Variants in DCC observed in about 807,000 individuals in gnomAD.
DCC encodes netrin receptor DCC.
DCC carries 58 observed loss-of-function variants against 172.5 expected under a neutral mutation model. The observed-to-expected ratio is 0.34, with a 90% confidence interval of 0.27 to 0.42. DCC has a LOEUF of 0.42. Among genes scored for constraint, DCC ranks in the 10% least tolerant of loss-of-function variants. The pLI, the probability that DCC is intolerant of heterozygous loss-of-function variation, is 1.00. For synonymous variants in DCC, 709 were observed against 644.5 expected (o/e 1.10, Z -1.52); for missense variants, 1,740 against 1,791.0 (o/e 0.97, Z 0.51).
At chr18:52,907,308 A>ATATGTG (rs1568179932) in intron 3 of DCC, among the ~76,000 whole-genome samples, 1 of 780 alleles carries the variant, frequency 1.3e-3, no homozygotes, top group South Asian at 0.25. Context: ...GGATATATAC[A>ATATGTG]TATGTATATG....
intron 23 of DCC, among the ~76,000 whole-genome samples, chr18:53,452,028 T>C (rs1332584977): frequency 9.2e-5 from 14 of 152,222 alleles, no homozygotes; most frequent in Admixed American, 8.5e-4. Context: ...TGAGCTTAGC[T>C]GGGCCAGCCT....
chr18:52,813,835 T>C (rs112548864), intron 2 of DCC, among the ~76,000 whole-genome samples: 436 of 152,316 alleles, frequency 2.9e-3, no homozygotes, highest in African/African-American at 9.9e-3. Context: ...TTTTCTGGCC[T>C]TCAGACCAGA....
chr18:52,696,162 T>C (rs2053926072), intron 1 of DCC, among the ~76,000 whole-genome samples: 2 of 152,234 alleles, frequency 1.3e-5, no homozygotes, highest in African/African-American at 4.8e-5. Context: ...GAATATGGTC[T>C]TTAAGATGTG....
chr18:52,918,429 C>G, intron 3 of DCC, among the ~76,000 whole-genome samples: 1 of 152,132 alleles, frequency 6.6e-6, no homozygotes, highest in Middle Eastern at 3.4e-3. Flanking sequence ...CTATTCTTAC[C>G]GAGCTTAGAG....
In DCC at chr18:53,535,723, A is replaced by G. The variant is rs894111465; in HGVS notation, c.*5070A>G. On this transcript the variant is annotated 3_prime_UTR_variant, in exon 29 of 29. Transcript: ENST00000442544. Reference sequence around the variant, plus strand: ...TTAAGTGTAAATCTTGTTCTACAAGAAAGGAAACTTGCTTACAGTTTAAAA... The same window carrying G: ...TTAAGTGTAAATCTTGTTCTACAAGGAAGGAAACTTGCTTACAGTTTAAAA... 33 of 152,216 alleles carry G rather than the reference A, an allele frequency of 2.2e-4. No homozygotes were observed. The highest frequency in any genetic ancestry group is 8.0e-4 in the African/African-American group (33 of 41,464). The allele number at this position is 152,216 out of a possible 1,614,324, so 9.4% of individuals were successfully genotyped here.
chr18:53,349,043 C>G (rs2057757604), intron 15 of DCC, among the ~76,000 whole-genome samples: 1 of 152,192 alleles, frequency 6.6e-6, no homozygotes, highest in African/African-American at 2.4e-5. Flanking sequence ...ATTTTCTTTG[C>G]TATCACATTG....
At chr18:53,343,041 C>G (rs969305857) in intron 15 of DCC, among the ~76,000 whole-genome samples, 1 of 151,310 alleles carries the variant, frequency 6.6e-6, no homozygotes, top group African/African-American at 2.4e-5. Flanking sequence ...CTAATATCTG[C>G]TAAATTTACC....
chr18:53,212,265 G>A (rs1425522409), intron 11 of DCC, among the ~76,000 whole-genome samples: 1 of 152,078 alleles, frequency 6.6e-6, no homozygotes. Flanking sequence ...GGCTTGAATG[G>A]ACCTATTTAT....
intron 4 of DCC, among the ~76,000 whole-genome samples, chr18:52,924,576 G>T (rs2040172913): frequency 6.6e-6 from 1 of 152,044 alleles, no homozygotes; most frequent in Non-Finnish European, 1.5e-5. Flanking sequence ...TCTTTCTGAT[G>T]AAATGGATCT....
intron 23 of DCC, among the ~76,000 whole-genome samples, chr18:53,457,427 A>G (rs1460525508): frequency 6.6e-6 from 1 of 152,184 alleles, no homozygotes; most frequent in Admixed American, 6.5e-5. Context: ...TTATTTAAAT[A>G]TTGAGTTAAA....
intron 14 of DCC, among the ~76,000 whole-genome samples, chr18:53,333,939 T>C (rs548583714): frequency 2.6e-5 from 4 of 152,320 alleles, no homozygotes; most frequent in African/African-American, 9.6e-5. Flanking sequence ...GCATCTCACA[T>C]TGAACATGAC....
chr18:53,229,333 T>C (rs1224199758), intron 12 of DCC, among the ~76,000 whole-genome samples: 1 of 152,196 alleles, frequency 6.6e-6, no homozygotes. Context: ...CAATTGTTAA[T>C]GTTTTAAGAA....
At chr18:52,712,898 C>T (rs375566353) in intron 1 of DCC, among the ~76,000 whole-genome samples, 2 of 152,192 alleles carry the variant, frequency 1.3e-5, no homozygotes, top group African/African-American at 4.8e-5. Flanking sequence ...CCTGTGTCCC[C>T]TCCTTGTGTC....
chr18:53,167,651 C>T (rs1344753912), intron 8 of DCC, among the ~76,000 whole-genome samples: 6 of 151,980 alleles, frequency 3.9e-5, no homozygotes, highest in African/African-American at 1.4e-4. Context: ...TTTTTTTATG[C>T]TCAGTGAATC....
rs2038393647 is a variant in DCC, at chr18:52,820,938, C to T, written c.412+68564C>T. 1.3e-5 allele frequency among the ~76,000 whole-genome samples: 2 copies of T among 152,202 alleles called. 1 individual carries two copies. Among genetic ancestry groups the T allele is most frequent in the Middle Eastern group, 6.8e-3 (2 of 294 alleles). On this transcript the variant is annotated intron_variant, in intron 2 of 28. Coordinates refer to ENST00000442544, the MANE Select transcript of DCC (RefSeq NM_005215.4). ...TCCCTGAACTCTGAACAGCTGAACT[C>T]ACCTGGAGAAAAAAAATTGCAACAT...
intron 1 of DCC, among the ~76,000 whole-genome samples, chr18:52,591,482 G>C (rs1351338960): frequency 2.0e-5 from 3 of 151,912 alleles, no homozygotes; most frequent in Admixed American, 2.0e-4. Flanking sequence ...CCACTTTTAA[G>C]TGTGAGGTCA....
chr18:52,932,936 A>G (rs2040329734), intron 5 of DCC, among the ~76,000 whole-genome samples: 1 of 152,130 alleles, frequency 6.6e-6, no homozygotes, highest in Non-Finnish European at 1.5e-5. Flanking sequence ...CTGCAAATAG[A>G]TAATAGACTA....
intron 5 of DCC, among the ~76,000 whole-genome samples, chr18:52,988,748 G>T (rs2041334966): frequency 6.6e-6 from 1 of 151,986 alleles, no homozygotes; most frequent in African/African-American, 2.4e-5. Context: ...GAAATTTGCT[G>T]TAACCTTTAT....
intron 15 of DCC, among the ~76,000 whole-genome samples, chr18:53,384,148 G>C (rs952600838): frequency 6.6e-6 from 1 of 152,064 alleles, no homozygotes; most frequent in Non-Finnish European, 1.5e-5. Context: ...TTTACTAGTA[G>C]TTCTGGGGAT....
Sources: gnomAD v4.1 joint callset for allele counts (sites outside exome capture counted in the v4.1 genomes callset) on GRCh38, gnomAD v4.1.1 for gene constraint, MANE v1.5 for transcripts, NCBI Gene and HGNC (gene_info 2026-07-23, HGNC 2026-07-21) for gene names.